Variants in CPNE5 observed in about 807,000 individuals in gnomAD.
The protein encoded by CPNE5 is copine-5.
A neutral mutation model predicts 81.1 loss-of-function variants in CPNE5; 42 were observed. That is an observed-to-expected ratio of 0.52 (90% CI 0.40 to 0.67). The LOEUF is 0.67. CPNE5 is among the 30% of genes least tolerant of loss of function. The probability of loss-of-function intolerance (pLI) is 0.00; values close to 1 mark genes in which losing one functional copy is unlikely to be tolerated. For synonymous variants in CPNE5, 313 were observed against 321.5 expected (o/e 0.97, Z 0.28); for missense variants, 612 against 815.5 (o/e 0.75, Z 3.04).
In CPNE5 at chr6:36,742,491, C is replaced by T. The variant is rs746517482; in HGVS notation, c.1564-5G>A. Reference sequence around the variant, plus strand: ...GTAGTCCCGGAAGGGTACAAACTGGCAAGTGGGAGGGCAGGGTCAGGCAGT... The same window carrying T: ...GTAGTCCCGGAAGGGTACAAACTGGTAAGTGGGAGGGCAGGGTCAGGCAGT... On this transcript the variant is annotated splice_polypyrimidine_tract_variant and splice_region_variant and intron_variant, in intron 20 of 20. Coordinates refer to ENST00000244751, the MANE Select transcript of CPNE5 (RefSeq NM_020939.2). 4 of 1,608,588 alleles carry T rather than the reference C, an allele frequency of 2.5e-6. No individual in the cohort carries two copies. The highest frequency in any genetic ancestry group is 3.4e-6 in the Non-Finnish European group (4 of 1,178,128).
intron 3 of CPNE5, among the ~76,000 whole-genome samples, chr6:36,817,262 T>C (rs906297961): frequency 6.6e-6 from 1 of 151,982 alleles, no homozygotes; most frequent in Admixed American, 6.5e-5. Context: ...GAGGCAGAGG[T>C]TGTAGTGAGC....
chr6:36,798,709 C>T (rs1297014678), intron 4 of CPNE5, among the ~76,000 whole-genome samples: 2 of 152,074 alleles, frequency 1.3e-5, no homozygotes, highest in African/African-American at 2.4e-5. Flanking sequence ...GGGGTGGAAA[C>T]GGATGTAAAA....
At chr6:36,818,017 T>C (rs1305381883) in intron 3 of CPNE5, among the ~76,000 whole-genome samples, 1 of 152,162 alleles carries the variant, frequency 6.6e-6, no homozygotes, top group Non-Finnish European at 1.5e-5. Flanking sequence ...CTGGGTTATG[T>C]CTTCGCACGT....
intron 3 of CPNE5, among the ~76,000 whole-genome samples, chr6:36,811,416 CA>C (rs1771092508): frequency 6.6e-6 from 1 of 152,220 alleles, no homozygotes; most frequent in African/African-American, 2.4e-5. Flanking sequence ...TTCTGCAGGC[CA>C]GGCACTTTAC....
At chr6:36,804,763 C>G (rs868840079) in intron 3 of CPNE5, among the ~76,000 whole-genome samples, 7 of 151,566 alleles carry the variant, frequency 4.6e-5, no homozygotes, top group African/African-American at 1.7e-4. Context: ...GGGGAATACC[C>G]TAGAGATTGA....
intron 3 of CPNE5, among the ~76,000 whole-genome samples, chr6:36,819,780 C>T (rs1451611096): frequency 6.6e-6 from 1 of 152,122 alleles, no homozygotes; most frequent in African/African-American, 2.4e-5. Flanking sequence ...TTAGTGGAGA[C>T]CCCAGGCGGA....
chr6:36,780,410 A>T (rs1767940360), intron 8 of CPNE5, among the ~76,000 whole-genome samples: 1 of 152,144 alleles, frequency 6.6e-6, no homozygotes, highest in South Asian at 2.1e-4. Flanking sequence ...GTGGTTAGGA[A>T]TACGGCTGCT....
chr6:36,828,764 A>C (rs980426812), intron 1 of CPNE5, among the ~76,000 whole-genome samples: 2 of 152,094 alleles, frequency 1.3e-5, no homozygotes, highest in Admixed American at 1.3e-4. Flanking sequence ...CCAACAACTC[A>C]CCCTAAGCAT....
At chr6:36,800,576 C>G (rs1246595297) in intron 3 of CPNE5, among the ~76,000 whole-genome samples, 1 of 152,230 alleles carries the variant, frequency 6.6e-6, no homozygotes, top group Non-Finnish European at 1.5e-5. Flanking sequence ...TAGGCAGGGA[C>G]TGTAGGAGAC....
At chr6:36,838,251 G>A (rs1014240712) in intron 1 of CPNE5, among the ~76,000 whole-genome samples, 1 of 152,240 alleles carries the variant, frequency 6.6e-6, no homozygotes, top group Non-Finnish European at 1.5e-5. Flanking sequence ...CAACCTGGAA[G>A]AGGATGAGAT....
At chr6:36,831,761 C>T (rs971823396) in intron 1 of CPNE5, among the ~76,000 whole-genome samples, 1 of 151,890 alleles carries the variant, frequency 6.6e-6, no homozygotes. Flanking sequence ...ACTGATTTAG[C>T]ACATTACAGT....
At chr6:36,770,995 C>T (rs542380118) in intron 10 of CPNE5, among the ~76,000 whole-genome samples, 13 of 152,212 alleles carry the variant, frequency 8.5e-5, no homozygotes, top group African/African-American at 2.9e-4. Context: ...AACGCTGAAC[C>T]ATTATCCCTT....
At position 36,774,957 on chromosome 6, in the gene CPNE5, T is replaced by C. The variant is rs1223550498; in HGVS notation, c.737+4A>G. 6.2e-7 allele frequency: 1 copy of C among 1,610,294 alleles called. No homozygotes were observed. Among genetic ancestry groups the C allele is most frequent in the Admixed American group, 1.7e-5 (1 of 60,018 alleles). ...AAAAAAGAAGGGACATTTTCTCATC[T>C]CACCGATCGTAGTCGCCGTTGCAGA... On this transcript the variant is annotated splice_donor_region_variant and intron_variant, in intron 10 of 20. Transcript: ENST00000244751.
chr6:36,753,884 C>G (rs1416169810), intron 13 of CPNE5, among the ~76,000 whole-genome samples: 1 of 152,244 alleles, frequency 6.6e-6, no homozygotes, highest in African/African-American at 2.4e-5. Context: ...GACCTTTCAC[C>G]TGTGTAAGAG....
At chr6:36,754,097 C>T (rs898109999) in intron 13 of CPNE5, 2 of 151,680 alleles carry the variant, frequency 1.3e-5, no homozygotes, top group Admixed American at 1.3e-4. Flanking sequence ...GGAACCACGG[C>T]AGTGGCTTCA....
intron 20 of CPNE5, chr6:36,743,202 G>C: frequency 1.0e-6 from 1 of 985,360 alleles, no homozygotes; most frequent in Non-Finnish European, 1.2e-6. Context: ...GCTTGCGGAG[G>C]GTGCATTCTT....
At chr6:36,765,180 CT>C (rs1766442015) in intron 11 of CPNE5, among the ~76,000 whole-genome samples, 154 bp downstream of exon 11, 1 of 152,086 alleles carries the variant, frequency 6.6e-6, no homozygotes, top group Non-Finnish European at 1.5e-5. Flanking sequence ...CAGAGGACCC[CT>C]CCCCCACCCT....
chr6:36,823,061 G>A lies in CPNE5; in HGVS notation c.133C>T (p.Pro45Ser), dbSNP rs1772197704. Residue 45 changes from proline to serine, a missense_variant, in exon 2 of 21, where the codon CCA (proline) becomes TCA (serine). Transcript: ENST00000244751. Reference sequence around the variant, plus strand: ...TTATTGTCAGAGCAGGACTTACGTGGGTCGGACTTGGAAAACATGTCTTTG... The same window carrying A: ...TTATTGTCAGAGCAGGACTTACGTGAGTCGGACTTGGAAAACATGTCTTTG... The part of the protein sequence containing the change: ...LDKDMFSKSD[P>S]LCVMYTQGME... 6.3e-7 allele frequency: 1 copy of A among 1,575,368 alleles called. No individual in the cohort carries two copies. The highest frequency in any genetic ancestry group is 8.6e-7 in the Non-Finnish European group (1 of 1,159,302).
rs140287340 is a variant in CPNE5, at chr6:36,835,191, G to A, written c.95+4092C>T. ...CATTGCTTCTCCAGCAGGACCCTGC[G>A]CAAGTGCAAAGGTTTCTTGTTATGT... is the stretch of plus-strand genomic sequence containing the variant. On this transcript the variant is annotated intron_variant, in intron 1 of 20. Transcript: ENST00000244751. Among the ~76,000 whole-genome samples the A allele has an allele frequency of 5.9e-3, 896 of 152,338 alleles. 5 individuals carry two copies. Among genetic ancestry groups the A allele is most frequent in the Non-Finnish European group, 0.011 (715 of 68,034 alleles).
Sources: gnomAD v4.1 joint callset for allele counts (sites outside exome capture counted in the v4.1 genomes callset) on GRCh38, gnomAD v4.1.1 for gene constraint, MANE v1.5 for transcripts, NCBI Gene and HGNC (gene_info 2026-07-23, HGNC 2026-07-21) for gene names.